The following LEMD1 variants were observed in gnomAD, a reference collection of about 807,000 sequenced individuals.
The protein encoded by LEMD1 is LEM domain-containing protein 1.
Under a neutral mutation model 17.4 loss-of-function variants are expected in LEMD1, and 18 were observed. The ratio of observed to expected loss-of-function variants is 1.04; its 90% CI spans 0.72 to 1.54. The LOEUF (loss-of-function observed/expected upper bound fraction) is 1.54, where lower values mean the gene tolerates loss of function less well. Ranked by LOEUF, LEMD1 falls within the 40% of genes most tolerant of loss-of-function variation. The pLI, the probability that LEMD1 is intolerant of heterozygous loss-of-function variation, is 0.00. For synonymous variants in LEMD1, 88 were observed against 77.8 expected, an observed-to-expected ratio of 1.13 and a Z score of -0.69; for missense variants, 195 against 210.4, an observed-to-expected ratio of 0.93 and a Z score of 0.45.
intron 4 of LEMD1, among the ~76,000 whole-genome samples, chr1:205,400,999 A>G (rs1664823224): frequency 6.6e-6 from 1 of 151,312 alleles, no homozygotes; most frequent in Admixed American, 6.6e-5. Context: ...TTCCAATTTC[A>G]CCCATGTCCC....
At chr1:205,433,682 C>T (rs549852003) in intron 1 of LEMD1, among the ~76,000 whole-genome samples, 11 of 152,278 alleles carry the variant, frequency 7.2e-5, no homozygotes, top group East Asian at 5.8e-4. Flanking sequence ...GGCATCTTGG[C>T]GGACTCCTGA....
intron 1 of LEMD1, among the ~76,000 whole-genome samples, chr1:205,444,759 G>C (rs1003949925): frequency 6.6e-6 from 1 of 152,126 alleles, no homozygotes; most frequent in African/African-American, 2.4e-5. Context: ...CTATTTAAAA[G>C]TGCTGGGGCA....
Position 205,414,490 on chromosome 1 carries a change from T to A in LEMD1, c.270+1742A>T, listed in dbSNP as rs917655878. On this transcript the variant is annotated intron_variant, in intron 4 of 5. Transcript: ENST00000367153. The stretch of plus-strand genomic sequence containing the variant: ...CCCAGGCTGGAGTGTAGTGGTGTGA[T>A]CATGGCTCACTGCAGCCTCAACCTC... Among the ~76,000 whole-genome samples, 10 of 151,712 alleles carry A rather than the reference T, an allele frequency of 6.6e-5. No individual in the cohort carries two copies. The East Asian group carries it at 1.9e-3, about 29-fold the overall frequency.
intron 4 of LEMD1, among the ~76,000 whole-genome samples, chr1:205,403,402 A>T (rs1484271474): frequency 6.6e-6 from 1 of 152,162 alleles, no homozygotes; most frequent in Non-Finnish European, 1.5e-5. Flanking sequence ...CCATTCAGAG[A>T]TTCAACTTCT....
At chr1:205,420,434 T>G in intron 2 of LEMD1, 21 bp downstream of exon 2, 1 of 1,582,908 alleles carries the variant, frequency 6.3e-7, no homozygotes, top group Non-Finnish European at 8.7e-7. Flanking sequence ...GTCTGTAATA[T>G]TTGCTGCATA....
intron 4 of LEMD1, among the ~76,000 whole-genome samples, chr1:205,390,139 G>C (rs988302683): frequency 6.6e-6 from 1 of 152,150 alleles, no homozygotes; most frequent in African/African-American, 2.4e-5. Context: ...TGGATCACTT[G>C]AGGCCAGGAG....
intron 5 of LEMD1, among the ~76,000 whole-genome samples, chr1:205,382,746 G>A (rs1480490233): frequency 2.6e-5 from 4 of 152,190 alleles, no homozygotes; most frequent in African/African-American, 9.6e-5. Flanking sequence ...AAGTGGATGG[G>A]AAGCCTCAGT....
At chr1:205,435,763 G>A (rs1027960875) in intron 1 of LEMD1, 3 of 152,172 alleles carry the variant, frequency 2.0e-5, no homozygotes, top group Non-Finnish European at 2.9e-5. Flanking sequence ...CAGTCTCTCA[G>A]GGAGACCATG....
chr1:205,426,383 A>C (rs936073884), upstream of LEMD1, among the ~76,000 whole-genome samples: 1 of 152,218 alleles, frequency 6.6e-6, no homozygotes, highest in African/African-American at 2.4e-5. Flanking sequence ...AACCAGAAAC[A>C]CTCATGAGCA....
chr1:205,410,783 T>G (rs1558727067), intron 4 of LEMD1, among the ~76,000 whole-genome samples: 2 of 151,726 alleles, frequency 1.3e-5, no homozygotes, highest in Non-Finnish European at 2.9e-5. Context: ...AGAGGTTAAC[T>G]TGAGCTCAAG....
Position 205,381,388 on chromosome 1 carries a change from T to G in LEMD1, c.*270A>C, listed in dbSNP as rs1164858739. 4.2e-6 allele frequency: 2 copies of G among 473,270 alleles called. No homozygotes were observed. The highest frequency in any genetic ancestry group is 3.9e-5 in the African/African-American group (2 of 51,714). The allele number at this position is 473,270 out of a possible 1,614,324, so 29.3% of individuals were successfully genotyped here. A position where few individuals can be genotyped will look rare whatever the true frequency, so the allele number is the denominator to read the frequency against. ...AAAAACGCCAGACAGTTTCCTTGTT[T>G]GACGCCTGCTCAAATATGGAAGCAC... On this transcript the variant is annotated 3_prime_UTR_variant, in exon 6 of 6. Transcript: ENST00000367153.
chr1:205,393,951 C>A (rs1664465157), intron 4 of LEMD1, among the ~76,000 whole-genome samples: 2 of 151,534 alleles, frequency 1.3e-5, no homozygotes, highest in Admixed American at 1.3e-4. Flanking sequence ...TAGAAACAAC[C>A]CAAATGTCCA....
intron 4 of LEMD1, among the ~76,000 whole-genome samples, chr1:205,400,605 C>T (rs530152732): frequency 4.2e-4 from 64 of 152,314 alleles, no homozygotes; most frequent in African/African-American, 1.5e-3. Context: ...TGTTCCCCCT[C>T]CTGGCACAGA....
At chr1:205,418,423 C>T (rs1039328113) in intron 3 of LEMD1, among the ~76,000 whole-genome samples, 1 of 152,192 alleles carries the variant, frequency 6.6e-6, no homozygotes, top group African/African-American at 2.4e-5. Context: ...CTGTTCCCTA[C>T]CCATTCTGTG....
chr1:205,385,431 G>A (rs963488420), intron 4 of LEMD1: 2 of 152,218 alleles, frequency 1.3e-5, no homozygotes, highest in African/African-American at 4.8e-5. Context: ...TCAAACACCT[G>A]GCCTCAAGCA....
chr1:205,383,236 G>A (rs1157043307), intron 5 of LEMD1, among the ~76,000 whole-genome samples: 3 of 152,116 alleles, frequency 2.0e-5, no homozygotes, highest in Non-Finnish European at 4.4e-5. Flanking sequence ...TGGGACTGTA[G>A]GCACATACCA....
intron 4 of LEMD1, among the ~76,000 whole-genome samples, chr1:205,410,584 T>G (rs1665342172): frequency 6.6e-6 from 1 of 152,068 alleles, no homozygotes. Flanking sequence ...ACTGAGTAAG[T>G]CCCTGCCCCA....
At chr1:205,443,985 C>T (rs1020233618) in intron 1 of LEMD1, among the ~76,000 whole-genome samples, 1 of 152,130 alleles carries the variant, frequency 6.6e-6, no homozygotes, top group Non-Finnish European at 1.5e-5. Context: ...TACCCCTTCA[C>T]CCTTGGCAGA....
chr1:205,429,785 G>A (rs1256228595), intron 1 of LEMD1, among the ~76,000 whole-genome samples: 1 of 152,040 alleles, frequency 6.6e-6, no homozygotes, highest in Non-Finnish European at 1.5e-5. Flanking sequence ...GATGTTGGGG[G>A]GTGGGGGGAG....
Sources: allele counts gnomAD v4.1 joint callset (sites outside exome capture counted in the v4.1 genomes callset), GRCh38; gene constraint gnomAD v4.1.1; transcripts MANE v1.5; gene names NCBI Gene and HGNC (gene_info 2026-07-23, HGNC 2026-07-21).